GLI1: variants seen among roughly 807,000 people sequenced by gnomAD.
GLI1 encodes the protein transcription activator GLI1.
In GLI1, 51 loss-of-function variants were observed where a neutral mutation model predicts 87.8. The ratio of observed to expected loss-of-function variants is 0.58; its 90% CI spans 0.46 to 0.73. The LOEUF is 0.73. Among genes scored for constraint, GLI1 ranks in the 30% least tolerant of loss-of-function variants. The probability of loss-of-function intolerance (pLI) is 0.00; values close to 1 mark genes in which losing one functional copy is unlikely to be tolerated. For synonymous variants in GLI1, 528 were observed against 558.2 expected, an observed-to-expected ratio of 0.95 and a Z score of 0.76; for missense variants, 1,292 against 1,437.2, an observed-to-expected ratio of 0.90 and a Z score of 1.63.
Position 57,470,724 on chromosome 12 carries a change from T to A in GLI1, c.1984T>A (p.Cys662Ser), listed in dbSNP as rs1336880663. 4 of 1,612,762 alleles carry A rather than the reference T, an allele frequency of 2.5e-6. No individual in the cohort carries two copies. The Admixed American group carries it at 6.7e-5, about 27-fold the overall frequency. ...ARVQRFKSLGCVHTPPTVAGG... is the reference protein window; with the variant it reads ...ARVQRFKSLGSVHTPPTVAGG... ...AGTCCAGAGGTTCAAGAGCCTGGGC[T>A]GTGTCCATACCCCACCCACTGTGGC... Residue 662 changes from cysteine (C) to serine (S), a missense_variant, in exon 12 of 12, where the codon TGT (cysteine) becomes AGT (serine). Coordinates refer to ENST00000228682, the MANE Select transcript of GLI1 (RefSeq NM_005269.3).
At position 57,464,843 on chromosome 12, in the gene GLI1, G is replaced by T; in HGVS notation, c.364G>T (p.Gly122Cys). The change falls in exon 4 of 12, where the codon GGT becomes TGT. Residue 122 changes from glycine to cysteine, a missense_variant. By Grantham distance (159) the Gly-to-Cys change is radical. Coordinates refer to ENST00000228682, the MANE Select transcript of GLI1 (RefSeq NM_005269.3). Reference sequence around the variant, plus strand: ...ATGCACATCTCCAGGAGGCTCCTACGGTCATCTCTCCATTGGCACCATGAG... The same window carrying T: ...ATGCACATCTCCAGGAGGCTCCTACTGTCATCTCTCCATTGGCACCATGAG... ...SRCTSPGGSY[G>C]HLSIGTMSPS... The T allele has an allele frequency of 6.2e-7, 1 of 1,613,758 alleles. No individual in the cohort carries two copies. The highest frequency in any genetic ancestry group is 8.5e-7 in the Non-Finnish European group (1 of 1,179,680).
rs761808837 is a variant in GLI1, at chr12:57,471,302, C to T, written c.2562C>T (p.Pro854=). ...PQPLFSHYPQ[P]SPPQYLQSGP... ...CTCTCTTTTCCCATTACCCCCAGCC[C>T]TCTCCTCCCCAATATCTCCAGTCAG... Residue 854 remains proline (P), a synonymous_variant, in exon 12 of 12, where the codon CCC becomes CCT. Transcript: ENST00000228682. The surrounding 1 kb of genome is among the most constrained non-coding windows in gnomAD (Gnocchi z 4.9). 1 of 1,576,510 alleles carries T rather than the reference C, an allele frequency of 6.3e-7. No homozygotes were observed.
intron 2 of GLI1, 40 bp from the exon 3 acceptor site, chr12:57,463,959 T>C (rs759598398): frequency 6.9e-7 from 1 of 1,448,188 alleles, no homozygotes; most frequent in Non-Finnish European, 9.7e-7. Context: ...GTGAGGTTTA[T>C]GTATCCTCCA....
intron 5 of GLI1, 36 bp downstream of exon 5, chr12:57,465,291 G>A: frequency 6.5e-7 from 1 of 1,538,012 alleles, no homozygotes; most frequent in Non-Finnish European, 8.9e-7. Flanking sequence ...ATTTCCCTCA[G>A]CTCAGGGTGG....
Position 57,467,978 on chromosome 12 carries a change from A to T in GLI1, c.1078-16A>T, listed in dbSNP as rs751976744. 12 of 1,571,828 alleles carry T rather than the reference A, an allele frequency of 7.6e-6. No individual in the cohort carries two copies. Among genetic ancestry groups the T allele is most frequent in the Non-Finnish European group, 1.1e-5 (12 of 1,142,348 alleles). The stretch of plus-strand genomic sequence containing the variant: ...TTTGATCCGTTTGCCTTCTGTCTCC[A>T]CTCTCCACTCAACAGAAGCCGTATG... On this transcript the variant is annotated splice_polypyrimidine_tract_variant and intron_variant, in intron 9 of 11. Transcript: ENST00000228682.
In GLI1 at chr12:57,464,786, C is replaced by A; in HGVS notation, c.307C>A (p.Pro103Thr). The change falls in exon 4 of 12, where the codon CCC becomes ACC. Residue 103 changes from proline to threonine, a missense_variant. By Grantham distance (38) the Pro-to-Thr change is conservative (BLOSUM62 -1). This residue lies in a region of GLI1 where 383 missense variants were observed against 368.4 expected (regional missense o/e 1.04). Transcript: ENST00000228682. ...CCTGCAGACGGTTATCCGCACCTCACCCAGCTCCCTCGTAGCTTTCATCAA... is the reference window on the plus strand; with the variant it reads ...CCTGCAGACGGTTATCCGCACCTCAACCAGCTCCCTCGTAGCTTTCATCAA... ...LDLQTVIRTS[P>T]SSLVAFINSR... 6.2e-7 allele frequency: 1 copy of A among 1,613,988 alleles called. No homozygotes were observed. Among genetic ancestry groups the A allele is most frequent in the Non-Finnish European group, 8.5e-7 (1 of 1,179,860 alleles).
In GLI1 at chr12:57,471,756, G is replaced by A. The variant is rs775698948; in HGVS notation, c.3016G>A (p.Gly1006Ser). The change falls in exon 12 of 12, where the codon GGC becomes AGC. Residue 1006 changes from glycine (G) to serine (S), a missense_variant. Coordinates refer to ENST00000228682, the MANE Select transcript of GLI1 (RefSeq NM_005269.3). The surrounding 1 kb of genome is among the most constrained non-coding windows in gnomAD (Gnocchi z 4.9). Reference protein sequence around the residue: ...PTCYGPLKVGGTNPSCGHPEV... With the variant: ...PTCYGPLKVGSTNPSCGHPEV... The stretch of plus-strand genomic sequence containing the variant: ...TTGCTATGGGCCTCTCAAAGTGGGA[G>A]GCACAAACCCCAGCTGTGGTCATCC... 6.4e-7 allele frequency: 1 copy of A among 1,569,186 alleles called. No individual in the cohort carries two copies. The highest frequency in any genetic ancestry group is 1.8e-5 in the Admixed American group (1 of 55,444).
At chr12:57,464,588 G>A in intron 3 of GLI1, 85 bp from the exon 4 acceptor site, 1 of 880,666 alleles carries the variant, frequency 1.1e-6, no homozygotes, top group South Asian at 1.6e-5. Context: ...AGTATCATTG[G>A]TTTTGCCAAG....
intron 1 of GLI1, among the ~76,000 whole-genome samples, chr12:57,462,870 G>T (rs1279745401): frequency 6.6e-6 from 1 of 152,174 alleles, no homozygotes; most frequent in Non-Finnish European, 1.5e-5. Context: ...TTGTACACGG[G>T]CTGTCCCTGG....
rs1301924976 is a variant in GLI1 at position 57,459,796 on chromosome 12, A to T, written c.-433A>T. 1.5e-5 allele frequency among the ~76,000 whole-genome samples: 2 copies of T among 136,080 alleles called. No homozygotes were observed. Among genetic ancestry groups the T allele is most frequent in the East Asian group, 2.2e-4 (1 of 4,518 alleles). 89.3% of individuals were successfully genotyped at this position (136,080 alleles called of 152,430 possible). A position where few individuals can be genotyped will look rare whatever the true frequency, so the allele number is the denominator to read the frequency against. On this transcript the variant is annotated 5_prime_UTR_variant, in exon 1 of 12. Transcript: ENST00000228682. The stretch of plus-strand genomic sequence containing the variant: ...GCGGGGGGGGGGGCGTAAGCAGTAT[A>T]GGGTCCCTCAAGGGAGGGGGAGGAT...
chr12:57,471,135 A>G lies in GLI1; in HGVS notation c.2395A>G (p.Thr799Ala). ...LYPGPKALGG[T>A]YSQCPRLEHY... Reference sequence around the variant, plus strand: ...CCCAGGCCCCAAGGCTCTAGGTGGAACCTACAGCCAGTGTCCTCGACTTGA... The same window carrying G: ...CCCAGGCCCCAAGGCTCTAGGTGGAGCCTACAGCCAGTGTCCTCGACTTGA... Residue 799 changes from threonine to alanine, a missense_variant, in exon 12 of 12, where the codon ACC (threonine) becomes GCC (alanine). Thr to Ala is a moderately conservative substitution (Grantham distance 58, BLOSUM62 0). Around this residue, in one of 3 missense-constraint regions of GLI1, gnomAD observed 897 missense variants for 1,040.7 expected, o/e 0.86. Transcript: ENST00000228682. The surrounding 1 kb of genome is among the most constrained non-coding windows in gnomAD (Gnocchi z 4.9). 1 of 1,612,908 alleles carries G rather than the reference A, an allele frequency of 6.2e-7. No individual in the cohort carries two copies. The highest frequency in any genetic ancestry group is 8.5e-7 in the Non-Finnish European group (1 of 1,179,492).
At position 57,471,348 on chromosome 12, in the gene GLI1, C is replaced by A. The variant is rs564746380; in HGVS notation, c.2608C>A (p.Pro870Thr). Residue 870 changes from proline (P) to threonine (T), a missense_variant, in exon 12 of 12, where the codon CCT becomes ACT. Around this residue, in one of 3 missense-constraint regions of GLI1, gnomAD observed 897 missense variants for 1,040.7 expected, o/e 0.86. Transcript: ENST00000228682. The surrounding 1 kb of genome is among the most constrained non-coding windows in gnomAD (Gnocchi z 4.9). ...GTCAGGCCCCTATACCCAGCCACCCCCTGATTATCTTCCTTCAGAACCCAG... is the reference window on the plus strand; with the variant it reads ...GTCAGGCCCCTATACCCAGCCACCCACTGATTATCTTCCTTCAGAACCCAG... ...LQSGPYTQPP[P>T]DYLPSEPRPC... The A allele has an allele frequency of 3.1e-6, 5 of 1,587,444 alleles. No individual in the cohort carries two copies. The highest frequency in any genetic ancestry group is 2.3e-5 in the South Asian group (2 of 87,610).
chr12:57,464,012 G>A lies in GLI1; in HGVS notation c.114G>A (p.Pro38=), dbSNP rs200909709. ...PSVGTEGLSG[P]PFCHQANLMS... ...TCTTTTTTCTAGGACTGTCTGGCCC[G>A]CCCTTCTGCCACCAAGCTAACCTCA... Residue 38 remains proline, a synonymous_variant, in exon 3 of 12, where the codon CCG becomes CCA. Transcript: ENST00000228682. The A allele has an allele frequency of 5.4e-5, 87 of 1,613,082 alleles. No homozygotes were observed. The East Asian group carries it at 1.7e-3, about 32-fold the overall frequency.
chr12:57,469,175 G>A (rs1330508986), intron 10 of GLI1, among the ~76,000 whole-genome samples: 1 of 152,180 alleles, frequency 6.6e-6, no homozygotes, highest in Non-Finnish European at 1.5e-5. Flanking sequence ...AAGAAACTCA[G>A]GCATAGAGAA....
rs754400912 is a variant in GLI1, at chr12:57,471,391, A to G, written c.2651A>G (p.Asp884Gly). 4 of 1,611,446 alleles carry G rather than the reference A, an allele frequency of 2.5e-6. No individual in the cohort carries two copies. The highest frequency in any genetic ancestry group is 2.5e-6 in the Non-Finnish European group (3 of 1,179,078). ...GAACCCAGGCCTTGCCTGGACTTTGATTCCCCCACCCATTCCACAGGGCAG... is the reference window on the plus strand; with the variant it reads ...GAACCCAGGCCTTGCCTGGACTTTGGTTCCCCCACCCATTCCACAGGGCAG... ...PSEPRPCLDF[D>G]SPTHSTGQLK... Residue 884 changes from aspartate to glycine, a missense_variant, in exon 12 of 12, where the codon GAT becomes GGT. Transcript: ENST00000228682. This position sits in a 1 kb window ranked among gnomAD's most constrained non-coding sequence, Gnocchi z 4.9.
In GLI1 at chr12:57,471,878, G is replaced by C; in HGVS notation, c.3138G>C (p.Gln1046His). ...PLDSLDLDNT[Q>H]LDFVAILDEP... is the part of the protein sequence containing the mutation. ...ACTCTCTTGATCTTGACAACACTCAGCTGGACTTTGTGGCTATTCTGGATG... is the reference window on the plus strand; with the variant it reads ...ACTCTCTTGATCTTGACAACACTCACCTGGACTTTGTGGCTATTCTGGATG... The change falls in exon 12 of 12, where the codon CAG becomes CAC. Residue 1046 changes from glutamine to histidine, a missense_variant. By Grantham distance (24) the Gln-to-His change is conservative (BLOSUM62 0). Around this residue, in one of 3 missense-constraint regions of GLI1, gnomAD observed 897 missense variants for 1,040.7 expected, o/e 0.86. Coordinates refer to ENST00000228682, the MANE Select transcript of GLI1 (RefSeq NM_005269.3). This position sits in a 1 kb window ranked among gnomAD's most constrained non-coding sequence, Gnocchi z 4.9. 5 of 1,600,316 alleles carry C rather than the reference G, an allele frequency of 3.1e-6. No homozygotes were observed. Among genetic ancestry groups the C allele is most frequent in the Non-Finnish European group, 4.3e-6 (5 of 1,173,858 alleles).
At chr12:57,464,464 AG>A (rs1871341492) in intron 3 of GLI1, among the ~76,000 whole-genome samples, 1 of 151,602 alleles carries the variant, frequency 6.6e-6, no homozygotes, top group Non-Finnish European at 1.5e-5. Context: ...CAGAGGTTGC[AG>A]TGAGGCAAGA....
chr12:57,464,206 C>A, intron 3 of GLI1, 115 bp downstream of exon 3: 3 of 764,636 alleles, frequency 3.9e-6, no homozygotes, highest in Non-Finnish European at 6.9e-6. Context: ...AGATGTGAGG[C>A]GTCAGAGCAC....
chr12:57,463,547 C>T, intron 1 of GLI1, 118 bp from the exon 2 acceptor site: 1 of 670,820 alleles, frequency 1.5e-6, no homozygotes, highest in Non-Finnish European at 2.7e-6. Flanking sequence ...AATTCCGTGG[C>T]AGATGTCTTA....
Sources: allele counts gnomAD v4.1 joint callset (sites outside exome capture counted in the v4.1 genomes callset), GRCh38; gene constraint gnomAD v4.1.1; regional missense constraint gnomAD v4.1.1; non-coding constraint Gnocchi (gnomAD v3.1); transcripts MANE v1.5; gene names NCBI Gene and HGNC (gene_info 2026-07-23, HGNC 2026-07-21).